Variants in FGD6 observed in about 807,000 individuals in gnomAD.
FGD6 encodes the protein FYVE, RhoGEF and PH domain-containing protein 6.
A neutral mutation model predicts 149.4 loss-of-function variants in FGD6; 90 were observed. That is an observed-to-expected ratio of 0.60 (90% CI 0.51 to 0.72). The LOEUF is 0.72. Ranked by LOEUF, FGD6 falls within the 30% of genes least tolerant of loss-of-function variation. FGD6 has a pLI of 0.00. For synonymous variants in FGD6, 527 were observed against 584.0 expected, an observed-to-expected ratio of 0.90 and a Z score of 1.41; for missense variants, 1,437 against 1,684.8, an observed-to-expected ratio of 0.85 and a Z score of 2.57.
intron 1 of FGD6, among the ~76,000 whole-genome samples, chr12:95,214,025 T>C (rs1468799161): frequency 1.3e-5 from 2 of 152,210 alleles, no homozygotes; most frequent in African/African-American, 4.8e-5. Context: ...GAATCTGAGA[T>C]GATAACTTCT....
intron 20 of FGD6, among the ~76,000 whole-genome samples, chr12:95,083,358 A>T (rs1877759836): frequency 6.6e-6 from 1 of 151,906 alleles, no homozygotes; most frequent in African/African-American, 2.4e-5. Context: ...ACCTAACTAC[A>T]TGTAATTCTG....
At chr12:95,181,795 T>C (rs893254211) in intron 2 of FGD6, among the ~76,000 whole-genome samples, 12 of 151,800 alleles carry the variant, frequency 7.9e-5, no homozygotes, top group African/African-American at 2.9e-4. Flanking sequence ...CTACTAAAAA[T>C]ACAAAAAAAT....
intron 7 of FGD6, among the ~76,000 whole-genome samples, chr12:95,135,104 C>T (rs888690098): frequency 6.6e-6 from 1 of 152,182 alleles, no homozygotes; most frequent in South Asian, 2.1e-4. Flanking sequence ...GTGGTAGCCA[C>T]AGTCTGTGTC....
At chr12:95,106,075 T>C (rs1878609206) in intron 13 of FGD6, among the ~76,000 whole-genome samples, 1 of 151,164 alleles carries the variant, frequency 6.6e-6, no homozygotes, top group African/African-American at 2.4e-5. Flanking sequence ...AAGTAAAGGA[T>C]ATAAGAAAGA....
At chr12:95,194,324 C>T (rs1374149636) in intron 2 of FGD6, among the ~76,000 whole-genome samples, 2 of 152,182 alleles carry the variant, frequency 1.3e-5, no homozygotes, top group Non-Finnish European at 2.9e-5. Context: ...CAACCTCCAC[C>T]TCCCAGGTTC....
chr12:95,106,636 A>G (rs1368790591), intron 13 of FGD6, among the ~76,000 whole-genome samples: 2 of 151,832 alleles, frequency 1.3e-5, no homozygotes, highest in Non-Finnish European at 2.9e-5. Flanking sequence ...TCTCACACCT[A>G]TGTAACCCCA....
chr12:95,138,107 G>A (rs1026018992), intron 6 of FGD6, among the ~76,000 whole-genome samples: 6 of 151,862 alleles, frequency 4.0e-5, no homozygotes, highest in East Asian at 1.9e-4. Context: ...GTAATCCCAA[G>A]ACAGGAGAAT....
chr12:95,202,687 C>A (rs532664227), intron 2 of FGD6, among the ~76,000 whole-genome samples: 2 of 152,200 alleles, frequency 1.3e-5, no homozygotes, highest in African/African-American at 4.8e-5. Context: ...AGCCACCATG[C>A]CTGGCCCCTA....
rs776432326 is a variant in FGD6, at chr12:95,107,595, G to A, written c.3301C>T (p.Arg1101Trp). The A allele has an allele frequency of 4.3e-6, 7 of 1,614,016 alleles. No individual in the cohort carries two copies. In the South Asian group the frequency reaches 4.4e-5, roughly 10 times the overall value. The change falls in exon 12 of 21, where the codon CGG becomes TGG. Residue 1101 changes from arginine (R) to tryptophan (W), a missense_variant. Arg to Trp is a moderately radical substitution (Grantham distance 101). This residue lies in a region of FGD6 where 382 missense variants were observed against 538.7 expected (regional missense o/e 0.71). Transcript: ENST00000343958. ...AACATTCGAGGTTGCATCACTTTCCGAGACAGCTTCATCAGAATTCCTTCT... is the reference window on the plus strand; with the variant it reads ...AACATTCGAGGTTGCATCACTTTCCAAGACAGCTTCATCAGAATTCCTTCT... ...LKEGILMKLSRKVMQPRMFFL... is the reference protein window; with the variant it reads ...LKEGILMKLSWKVMQPRMFFL...
chr12:95,165,316 T>C (rs1279086745), intron 3 of FGD6, among the ~76,000 whole-genome samples: 1 of 151,684 alleles, frequency 6.6e-6, no homozygotes, highest in Non-Finnish European at 1.5e-5. Flanking sequence ...ATGTCAGATG[T>C]GTATCAATTT....
chr12:95,167,822 G>A (rs139570749), intron 3 of FGD6, among the ~76,000 whole-genome samples: 6 of 152,054 alleles, frequency 3.9e-5, no homozygotes, highest in Non-Finnish European at 8.8e-5. Flanking sequence ...TGATCTGCCC[G>A]CCTCGACCTC....
intron 16 of FGD6, among the ~76,000 whole-genome samples, chr12:95,092,490 G>C (rs890853202): frequency 3.9e-5 from 6 of 152,114 alleles, no homozygotes; most frequent in African/African-American, 1.4e-4. Context: ...CTCTGAAGTA[G>C]GAGGGTGGAA....
intron 3 of FGD6, among the ~76,000 whole-genome samples, chr12:95,162,617 G>C (rs1187134686): frequency 6.6e-6 from 1 of 152,108 alleles, no homozygotes; most frequent in Non-Finnish European, 1.5e-5. Flanking sequence ...CTACATATAA[G>C]CACAACTATG....
intron 17 of FGD6, among the ~76,000 whole-genome samples, chr12:95,090,114 G>C (rs1295535776): frequency 6.6e-6 from 1 of 152,096 alleles, no homozygotes; most frequent in African/African-American, 2.4e-5. Context: ...AATGAATTCT[G>C]ATTGCAGAGG....
intron 9 of FGD6, among the ~76,000 whole-genome samples, chr12:95,111,863 T>G (rs1339320875): frequency 6.6e-6 from 1 of 151,988 alleles, no homozygotes; most frequent in Non-Finnish European, 1.5e-5. Flanking sequence ...GTAAAATGAT[T>G]AAAAGAATAT....
intron 5 of FGD6, among the ~76,000 whole-genome samples, chr12:95,144,790 T>C (rs1031777626): frequency 2.6e-4 from 36 of 140,448 alleles, no homozygotes; most frequent in Admixed American, 2.4e-3. Flanking sequence ...CGAGTTCAAG[T>C]GATTTCTCCT....
At chr12:95,091,626 G>A (rs1003930521) in intron 17 of FGD6, 81 bp downstream of exon 17, 79 of 830,950 alleles carry the variant, frequency 9.5e-5, no homozygotes, top group African/African-American at 9.1e-4. Flanking sequence ...CTAATGTACC[G>A]AAGGTGTTTC....
At chr12:95,163,520 T>C (rs1236143972) in intron 3 of FGD6, among the ~76,000 whole-genome samples, 1 of 152,200 alleles carries the variant, frequency 6.6e-6, no homozygotes, top group East Asian at 1.9e-4. Flanking sequence ...CCTGTATCCT[T>C]CTGCACATAG....
intron 5 of FGD6, 52 bp from the exon 6 acceptor site, chr12:95,141,591 C>T (rs749454950): frequency 3.1e-6 from 5 of 1,598,464 alleles, no homozygotes; most frequent in East Asian, 2.2e-5. Context: ...AACTTGATAA[C>T]AAGCTTTTAT....
Sources: allele counts gnomAD v4.1 joint callset (sites outside exome capture counted in the v4.1 genomes callset), GRCh38; gene constraint gnomAD v4.1.1; regional missense constraint gnomAD v4.1.1; transcripts MANE v1.5; gene names NCBI Gene and HGNC (gene_info 2026-07-23, HGNC 2026-07-21).